Variants in CROCC observed in about 807,000 individuals in gnomAD.
CROCC encodes rootletin.
In CROCC, 180 loss-of-function variants were observed where a neutral mutation model predicts 245.2. The ratio of observed to expected loss-of-function variants is 0.73; its 90% confidence interval spans 0.65 to 0.83. CROCC has a LOEUF of 0.83. Among genes scored for constraint, CROCC ranks in the 40% least tolerant of loss-of-function variants. The probability of loss-of-function intolerance (pLI) is 0.00; values close to 1 mark genes in which losing one functional copy is unlikely to be tolerated. For synonymous variants in CROCC, 1,205 were observed against 1,241.6 expected, an observed-to-expected ratio of 0.97 and a Z score of 0.62; for missense variants, 2,688 against 2,779.4, an observed-to-expected ratio of 0.97 and a Z score of 0.74.
chr1:16,965,574 G>T, intron 27 of CROCC, 149 bp from the exon 28 acceptor site: 1 of 675,888 alleles, frequency 1.5e-6, no homozygotes, highest in South Asian at 1.8e-5. Flanking sequence ...GAGGGTTTCA[G>T]CTGGGATGGG....
intron 27 of CROCC, 95 bp downstream of exon 27, chr1:16,961,225 G>GT (rs1163645598): frequency 7.8e-5 from 94 of 1,197,836 alleles, no homozygotes; most frequent in South Asian, 2.6e-4. Context: ...TTTTGTTTTT[G>GT]TTTTTTTTCA....
chr1:16,926,552 C>G (rs1396368989), intron 3 of CROCC, among the ~76,000 whole-genome samples: 1 of 152,272 alleles, frequency 6.6e-6, no homozygotes, highest in East Asian at 1.9e-4. Context: ...GCATGGGGAG[C>G]GGAGGGAGGG....
At chr1:16,964,143 T>TA (rs1454208095) in intron 27 of CROCC, among the ~76,000 whole-genome samples, 5 of 150,176 alleles carry the variant, frequency 3.3e-5, no homozygotes, top group Non-Finnish European at 7.4e-5. Flanking sequence ...CTTTATTTTT[T>TA]TTTTTTTTTG....
At position 16,972,693 on chromosome 1, in the gene CROCC, T is replaced by G; in HGVS notation, c.*247T>G. 2.9e-6 allele frequency: 1 copy of G among 350,124 alleles called. No individual in the cohort carries two copies. The highest frequency in any genetic ancestry group is 5.2e-6 in the Non-Finnish European group (1 of 193,376). 21.7% of individuals were successfully genotyped at this position (350,124 alleles called of 1,614,324 possible). ...ACTGTAGATCATTAAAGTTCCTCCT[T>G]GAGAGGCTGAGCCGTAGCCAGGATT... is the stretch of plus-strand genomic sequence containing the variant. On this transcript the variant is annotated 3_prime_UTR_variant, in exon 37 of 37. Coordinates refer to ENST00000375541, the MANE Select transcript of CROCC (RefSeq NM_014675.5).
intron 16 of CROCC, 89 bp from the exon 17 acceptor site, chr1:16,946,672 C>T: frequency 2.2e-6 from 3 of 1,356,452 alleles, no homozygotes; most frequent in Middle Eastern, 1.8e-4. Context: ...CTCCCCTGGG[C>T]TATTGTTGCT....
chr1:16,963,804 G>T (rs4920568), intron 27 of CROCC, among the ~76,000 whole-genome samples: 21,399 of 135,324 alleles, frequency 0.16, 1,741 homozygotes, highest in African/African-American at 0.23. Context: ...CTTTGTTTTT[G>T]TTTTTTTTTG....
At position 16,965,735 on chromosome 1, in the gene CROCC, G is replaced by A; in HGVS notation, c.4418G>A (p.Gly1473Glu). 1 of 1,611,256 alleles carries A rather than the reference G, an allele frequency of 6.2e-7. No individual in the cohort carries two copies. Among genetic ancestry groups the A allele is most frequent in the Non-Finnish European group, 8.5e-7 (1 of 1,177,824 alleles). The change falls in exon 28 of 37, where the codon GGG becomes GAG. Residue 1473 changes from glycine to glutamate, a missense_variant. By Grantham distance (98) the Gly-to-Glu change is moderately conservative. Transcript: ENST00000375541. ...RDAPAEGSGE[G>E]LNSPSTLECS... Reference sequence around the variant, plus strand: ...CTTTCTCTTCTAGGAAGCGGGGAAGGGCTCAACAGCCCCAGCACCTTAGAA... The same window carrying A: ...CTTTCTCTTCTAGGAAGCGGGGAAGAGCTCAACAGCCCCAGCACCTTAGAA...
chr1:16,961,146 C>T lies in CROCC; in HGVS notation c.4405+16C>T. 7.7e-7 allele frequency: 1 copy of T among 1,300,874 alleles called. No homozygotes were observed. The highest frequency in any genetic ancestry group is 2.1e-5 in the South Asian group (1 of 47,786). 80.6% of individuals were successfully genotyped at this position (1,300,874 alleles called of 1,614,324 possible). A position where few individuals can be genotyped will look rare whatever the true frequency, so the allele number is the denominator to read the frequency against. On this transcript the variant is annotated intron_variant, in intron 27 of 36. Transcript: ENST00000375541. ...CCCGCAGAAGGTAAGGGCAGTGCCGCGCGCAGGGAAGGGGGGAGGTGGGCG... is the reference window on the plus strand; with the variant it reads ...CCCGCAGAAGGTAAGGGCAGTGCCGTGCGCAGGGAAGGGGGGAGGTGGGCG...
At chr1:16,945,941 A>AG (rs1377838626) in intron 15 of CROCC, among the ~76,000 whole-genome samples, 4 of 152,084 alleles carry the variant, frequency 2.6e-5, no homozygotes, top group Admixed American at 2.6e-4. Context: ...GGTCCTTGGC[A>AG]GGGGGGCCTG....
intron 3 of CROCC, among the ~76,000 whole-genome samples, chr1:16,928,983 C>A (rs9435708): frequency 1.3e-5 from 2 of 151,712 alleles, no homozygotes; most frequent in African/African-American, 2.4e-5. Flanking sequence ...CATGACACCA[C>A]GCCCAGCTAA....
chr1:16,954,418 G>GC lies in CROCC; in HGVS notation c.3321+66dup. 6.4e-7 allele frequency: 1 copy of GC among 1,564,526 alleles called. No individual in the cohort carries two copies. Among genetic ancestry groups the GC allele is most frequent in the Non-Finnish European group, 8.7e-7 (1 of 1,151,136 alleles). ...AGAGAGGCACATCCCTGGCTGAGGAGCCCCCACCACGGGGCGGCATGGCCC... is the reference window on the plus strand; with the variant it reads ...AGAGAGGCACATCCCTGGCTGAGGAGCCCCCCACCACGGGGCGGCATGGCCC... On this transcript the variant is annotated intron_variant, in intron 22 of 36. Transcript: ENST00000375541. The surrounding 1 kb of genome is among the most constrained non-coding windows in gnomAD (Gnocchi z 4.4).
chr1:16,945,190 A>G (rs1430717633), intron 14 of CROCC, among the ~76,000 whole-genome samples: 1 of 152,278 alleles, frequency 6.6e-6, no homozygotes, highest in African/African-American at 2.4e-5. Flanking sequence ...CCAGGATCGC[A>G]CCACTGTACT....
At chr1:16,931,617 T>A (rs892129410) in intron 8 of CROCC, among the ~76,000 whole-genome samples, 2 of 152,282 alleles carry the variant, frequency 1.3e-5, no homozygotes, top group Non-Finnish European at 2.9e-5. Flanking sequence ...TCATTTCAAC[T>A]AATATTCATA....
At position 16,930,540 on chromosome 1, in the gene CROCC, A is replaced by G; in HGVS notation, c.795A>G (p.Thr265=). Residue 265 remains threonine (T), a synonymous_variant, in exon 7 of 37, where the codon ACA becomes ACG. Coordinates refer to ENST00000375541, the MANE Select transcript of CROCC (RefSeq NM_014675.5). ...TACGAAAGGTGACCAATGACTGGACACGCTGCCGCAAGGAGCTGGAGCACC... is the reference window on the plus strand; with the variant it reads ...TACGAAAGGTGACCAATGACTGGACGCGCTGCCGCAAGGAGCTGGAGCACC... ...EDIRKVTNDW[T]RCRKELEHRE... The G allele has an allele frequency of 6.2e-7, 1 of 1,612,426 alleles. No individual in the cohort carries two copies. Among genetic ancestry groups the G allele is most frequent in the South Asian group, 1.1e-5 (1 of 90,932 alleles).
At chr1:16,946,658 G>T in intron 16 of CROCC, 103 bp from the exon 17 acceptor site, 1 of 1,281,546 alleles carries the variant, frequency 7.8e-7, no homozygotes, top group East Asian at 2.5e-5. Flanking sequence ...CATTCCCTGG[G>T]AGCCTCCCCT....
Position 16,922,012 on chromosome 1 carries a change from C to T in CROCC, c.-7C>T, listed in dbSNP as rs1431826452. ...GGGGCTGGAGGCATGCCCACAGCCT[C>T]CCCCCCATGAGCTTGGGGCTGGCGG... is the stretch of plus-strand genomic sequence containing the variant. On this transcript the variant is annotated 5_prime_UTR_variant, in exon 1 of 37. Coordinates refer to ENST00000375541, the MANE Select transcript of CROCC (RefSeq NM_014675.5). 1.3e-6 allele frequency: 2 copies of T among 1,543,994 alleles called. No individual in the cohort carries two copies. Among genetic ancestry groups the T allele is most frequent in the Non-Finnish European group, 8.7e-7 (1 of 1,143,156 alleles).
At chr1:16,964,797 C>G (rs1318168982) in intron 27 of CROCC, among the ~76,000 whole-genome samples, 1 of 152,248 alleles carries the variant, frequency 6.6e-6, no homozygotes, top group African/African-American at 2.4e-5. Context: ...ATTCTCCAAC[C>G]TCAGCTTCTC....
rs144768639 is a variant in CROCC, at chr1:16,958,649, G to T, written c.3931G>T (p.Ala1311Ser). The T allele has an allele frequency of 1.9e-6, 3 of 1,555,918 alleles. No individual in the cohort carries two copies. Among genetic ancestry groups the T allele is most frequent in the Non-Finnish European group, 2.6e-6 (3 of 1,150,282 alleles). ...RELAELQGRL[A>S]LGERAEKESR... is the part of the protein sequence containing the mutation. ...GCTGGCGGAGCTGCAGGGCCGCCTG[G>T]CGCTGGGCGAGCGGGCAGAGAAGGA... The change falls in exon 26 of 37, where the codon GCG becomes TCG. Residue 1311 changes from alanine to serine, a missense_variant. Coordinates refer to ENST00000375541, the MANE Select transcript of CROCC (RefSeq NM_014675.5).
upstream of CROCC, among the ~76,000 whole-genome samples, chr1:16,917,104 C>T (rs552307944): frequency 4.6e-5 from 7 of 152,274 alleles, no homozygotes; most frequent in Non-Finnish European, 7.3e-5. Flanking sequence ...GGTGACAGAG[C>T]CAGACTCCAT....
Sources: gnomAD v4.1 joint callset for allele counts (sites outside exome capture counted in the v4.1 genomes callset) on GRCh38, gnomAD v4.1.1 for gene constraint, Gnocchi (gnomAD v3.1) non-coding constraint, MANE v1.5 for transcripts, NCBI Gene and HGNC (gene_info 2026-07-23, HGNC 2026-07-21) for gene names.